The following CCDC149 variants were observed in gnomAD, a reference collection of about 807,000 sequenced individuals.
CCDC149 encodes coiled-coil domain containing 149, also known as coiled-coil domain-containing protein 149.
A neutral mutation model predicts 59.9 loss-of-function variants in CCDC149; 45 were observed. The observed-to-expected ratio is 0.75, with a 90% CI of 0.59 to 0.96. The LOEUF is 0.96. Ranked by LOEUF, CCDC149 falls within the 40% of genes least tolerant of loss-of-function variation. CCDC149 has a pLI of 0.00. For missense variants in CCDC149, 584 were observed against 664.7 expected (o/e 0.88, Z 1.33); for synonymous variants, 245 against 260.6 (o/e 0.94, Z 0.58).
chr4:24,876,739 A>G (rs1210311103), intron 1 of CCDC149, 42 bp from the exon 2 acceptor site: 34 of 1,557,278 alleles, frequency 2.2e-5, no homozygotes, highest in Non-Finnish European at 3.0e-5. Flanking sequence ...AAAAACATCC[A>G]TGGGCCTCCA....
chr4:24,853,588 A>C (rs1277146852), intron 3 of CCDC149, among the ~76,000 whole-genome samples: 1 of 81,326 alleles, frequency 1.2e-5, no homozygotes, highest in Non-Finnish European at 2.3e-5. Flanking sequence ...ACTCCATTTC[A>C]AAAAAAAAAA....
At position 24,962,692 on chromosome 4, in the gene CCDC149, A is replaced by T. The variant is rs1723670369; in HGVS notation, c.-65+17377T>A. On this transcript the variant is annotated intron_variant, in intron 1 of 12. Transcript: ENST00000389609. The stretch of plus-strand genomic sequence containing the variant: ...GGTGGGAATTGAATAATGAGAACAC[A>T]TGGACACAGGAAGGGGAACATCACA... Among the ~76,000 whole-genome samples the T allele has an allele frequency of 2.6e-5, 4 of 151,444 alleles. No homozygotes were observed. In the South Asian group the frequency reaches 8.4e-4, roughly 32 times the overall value.
At chr4:24,946,296 G>T (rs1002310003) in intron 1 of CCDC149, among the ~76,000 whole-genome samples, 1 of 152,154 alleles carries the variant, frequency 6.6e-6, no homozygotes. Flanking sequence ...GATTTTGTGA[G>T]TCCCCAGTAT....
chr4:24,842,603 A>G (rs1717005738), intron 4 of CCDC149, among the ~76,000 whole-genome samples: 1 of 152,194 alleles, frequency 6.6e-6, no homozygotes, highest in South Asian at 2.1e-4. Flanking sequence ...TTATGAATGA[A>G]TTATGGGTGT....
intron 4 of CCDC149, among the ~76,000 whole-genome samples, chr4:24,842,426 T>C (rs928669738): frequency 3.9e-5 from 6 of 152,108 alleles, no homozygotes; most frequent in African/African-American, 7.2e-5. Flanking sequence ...CCTTGGAAAA[T>C]GGCTATGAAG....
upstream of CCDC149, among the ~76,000 whole-genome samples, chr4:24,913,459 T>C (rs932893795): frequency 7.2e-5 from 11 of 152,400 alleles, no homozygotes; most frequent in Non-Finnish European, 1.3e-4. Context: ...CAAGAATGAA[T>C]GAACCACGTT....
At chr4:24,901,882 T>C (rs1427834204) in intron 1 of CCDC149, among the ~76,000 whole-genome samples, 2 of 152,208 alleles carry the variant, frequency 1.3e-5, no homozygotes, top group Admixed American at 6.5e-5. Flanking sequence ...GGTCTTCCTT[T>C]AGAATGTTTC....
rs1714184199 is a variant in CCDC149 at position 24,806,501 on chromosome 4, T to G, written c.*1888A>C. 1 of 152,184 alleles carries G rather than the reference T, an allele frequency of 6.6e-6. No individual in the cohort carries two copies. The highest frequency in any genetic ancestry group is 2.4e-5 in the African/African-American group (1 of 41,398). The allele number at this position is 152,184 out of a possible 1,614,324, so 9.4% of individuals were successfully genotyped here. On this transcript the variant is annotated 3_prime_UTR_variant, in exon 13 of 13. Coordinates refer to ENST00000635206, the MANE Select transcript of CCDC149 (RefSeq NM_001330643.2). ...AAAACCAGAGTTCTGCAGGCTGAGA[T>G]TTTTCCTTTTATTATTATTAAACTT... is the stretch of plus-strand genomic sequence containing the variant.
At chr4:24,874,265 G>GTTTTTTTT (rs1165718179) in intron 2 of CCDC149, among the ~76,000 whole-genome samples, 11 of 31,886 alleles carry the variant, frequency 3.4e-4, no homozygotes, top group Admixed American at 1.2e-3. Flanking sequence ...TTTTTGTTTT[G>GTTTTTTTT]TTTTTTTTTG....
intron 1 of CCDC149, among the ~76,000 whole-genome samples, chr4:24,919,060 T>C (rs1722212488): frequency 6.6e-6 from 1 of 152,230 alleles, no homozygotes; most frequent in African/African-American, 2.4e-5. Context: ...AAGAGGTACA[T>C]GGATGCCCCT....
At chr4:24,877,472 C>T (rs1719534812) in intron 1 of CCDC149, among the ~76,000 whole-genome samples, 1 of 152,052 alleles carries the variant, frequency 6.6e-6, no homozygotes, top group Non-Finnish European at 1.5e-5. Flanking sequence ...GTGTGAGCCA[C>T]CATGCCTGGC....
At chr4:24,814,777 A>T (rs556346527) in intron 12 of CCDC149, among the ~76,000 whole-genome samples, 2 of 152,112 alleles carry the variant, frequency 1.3e-5, no homozygotes, top group South Asian at 4.2e-4. Flanking sequence ...GCCTTCCACG[A>T]CTCAACATCC....
chr4:24,893,182 C>T (rs1289368425), intron 1 of CCDC149, among the ~76,000 whole-genome samples: 1 of 152,158 alleles, frequency 6.6e-6, no homozygotes, highest in Non-Finnish European at 1.5e-5. Flanking sequence ...TGTCTTCCTC[C>T]TTCTTGCCAC....
chr4:24,952,741 T>C (rs1403745586), intron 1 of CCDC149, among the ~76,000 whole-genome samples: 1 of 148,160 alleles, frequency 6.7e-6, no homozygotes, highest in African/African-American at 2.5e-5. Context: ...ATTAAGTACA[T>C]TCACGTTGTG....
In CCDC149 at chr4:24,876,674, C is replaced by A; in HGVS notation, c.87G>T (p.Leu29=). 6.2e-7 allele frequency: 1 copy of A among 1,613,216 alleles called. No individual in the cohort carries two copies. Among genetic ancestry groups the A allele is most frequent in the Non-Finnish European group, 8.5e-7 (1 of 1,179,626 alleles). The change falls in exon 2 of 13, where the codon CTG becomes CTT. Residue 29 remains leucine (L), a synonymous_variant. Transcript: ENST00000635206. Reference sequence around the variant, plus strand: ...TCAGCAGGGCTTCCTTCTTACTCTCCAGCTTCCTCTTACACACCAGGTACT... The same window carrying A: ...TCAGCAGGGCTTCCTTCTTACTCTCAAGCTTCCTCTTACACACCAGGTACT...
intron 1 of CCDC149, among the ~76,000 whole-genome samples, chr4:24,950,637 T>C (rs1355693709): frequency 6.6e-6 from 1 of 152,254 alleles, no homozygotes; most frequent in Non-Finnish European, 1.5e-5. Flanking sequence ...CAATCCTCAG[T>C]GTTCTCATCT....
At chr4:24,968,359 T>C (rs1723865306) in intron 1 of CCDC149, among the ~76,000 whole-genome samples, 1 of 152,198 alleles carries the variant, frequency 6.6e-6, no homozygotes, top group Non-Finnish European at 1.5e-5. Context: ...TGCAGACGAC[T>C]TACCCAATAG....
In CCDC149 at chr4:24,837,533, A is replaced by G; in HGVS notation, c.490-133T>C. 1.4e-6 allele frequency: 1 copy of G among 723,288 alleles called. No individual in the cohort carries two copies. The highest frequency in any genetic ancestry group is 1.9e-5 in the South Asian group (1 of 53,046). 44.8% of individuals were successfully genotyped at this position (723,288 alleles called of 1,614,324 possible). ...CACTACCCGCATGCCCTAAAGCCAT[A>G]AGCGCCACACACTGAAATACAATAA... On this transcript the variant is annotated intron_variant, in intron 5 of 12. Transcript: ENST00000635206. This position sits in a 1 kb window ranked among gnomAD's most constrained non-coding sequence, Gnocchi z 4.3.
At chr4:24,804,631 GA>G (rs1244439372), downstream of CCDC149, among the ~76,000 whole-genome samples, 1 of 152,146 alleles carries the variant, frequency 6.6e-6, no homozygotes, top group African/African-American at 2.4e-5. Context: ...AAGAGACAGA[GA>G]AGATCACCTC....
Sources: gnomAD v4.1 joint callset for allele counts (sites outside exome capture counted in the v4.1 genomes callset) on GRCh38, gnomAD v4.1.1 for gene constraint, Gnocchi (gnomAD v3.1) non-coding constraint, MANE v1.5 for transcripts, NCBI Gene and HGNC (gene_info 2026-07-23, HGNC 2026-07-21) for gene names.